The following FBXO10 variants were observed in gnomAD, a reference collection of about 807,000 sequenced individuals.
FBXO10 encodes F-box protein 10.
Under a neutral mutation model 80.7 loss-of-function variants are expected in FBXO10, and 39 were observed. That is an observed-to-expected ratio of 0.48 (90% CI 0.37 to 0.63). FBXO10 has a LOEUF of 0.63. Among genes scored for constraint, FBXO10 ranks in the 30% least tolerant of loss-of-function variants. FBXO10 has a pLI of 0.00. For synonymous variants in FBXO10, 449 were observed against 489.6 expected (o/e 0.92, Z 1.09); for missense variants, 1,025 against 1,269.0 (o/e 0.81, Z 2.92).
At chr9:37,519,110 C>T (rs761009284) in intron 8 of FBXO10, among the ~76,000 whole-genome samples, 4 of 151,996 alleles carry the variant, frequency 2.6e-5, no homozygotes, top group African/African-American at 4.8e-5. Flanking sequence ...ATGGTTTCAC[C>T]GTGTTAGCCA....
At chr9:37,567,791 AAGTGCTGGGATTCC>A (rs1822647113) in intron 1 of FBXO10, among the ~76,000 whole-genome samples, 1 of 152,096 alleles carries the variant, frequency 6.6e-6, no homozygotes, top group African/African-American at 2.4e-5. Flanking sequence ...CGGCCTCCCA[AAGTGCTGGGATTCC>A]AGGCATGAGC....
At chr9:37,553,894 C>T (rs1463036337) in intron 1 of FBXO10, among the ~76,000 whole-genome samples, 1 of 58,114 alleles carries the variant, frequency 1.7e-5, no homozygotes, top group Non-Finnish European at 3.1e-5. Flanking sequence ...CCAGCCCGGG[C>T]AAAAAGAGCG....
intron 1 of FBXO10, among the ~76,000 whole-genome samples, chr9:37,544,490 T>C (rs1263565492): frequency 6.6e-6 from 1 of 152,200 alleles, no homozygotes; most frequent in African/African-American, 2.4e-5. Context: ...TTGACCTCTC[T>C]AGAGCCTTGG....
Position 37,537,459 on chromosome 9 carries a change from C to G in FBXO10, c.1070G>C (p.Gly357Ala). 1 of 1,605,512 alleles carries G rather than the reference C, an allele frequency of 6.2e-7. No individual in the cohort carries two copies. Among genetic ancestry groups the G allele is most frequent in the Middle Eastern group, 1.7e-4 (1 of 6,046 alleles). The change falls in exon 3 of 11, where the codon GGC becomes GCC. Residue 357 changes from glycine (G) to alanine (A), a missense_variant. By Grantham distance (60) the Gly-to-Ala change is moderately conservative. This residue lies in a region of FBXO10 where 450 missense variants were observed against 499.4 expected (regional missense o/e 0.90). Coordinates refer to ENST00000432825, the MANE Select transcript of FBXO10 (RefSeq NM_012166.3). ...VAQTPDSSDG[G>A]LSPSGEDEDE... ...TTCATCCTCACCGCTGGGACTCAGGCCTCCATCGCTGCTGTCCGGGGTCTG... is the reference window on the plus strand; with the variant it reads ...TTCATCCTCACCGCTGGGACTCAGGGCTCCATCGCTGCTGTCCGGGGTCTG...
intron 2 of FBXO10, among the ~76,000 whole-genome samples, chr9:37,538,418 A>G (rs1821829894): frequency 6.6e-6 from 1 of 152,218 alleles, no homozygotes; most frequent in Admixed American, 6.5e-5. Flanking sequence ...GGTTAAAAGC[A>G]TGGGCTCTGC....
chr9:37,524,156 G>A (rs573517573), intron 6 of FBXO10, among the ~76,000 whole-genome samples: 6 of 152,230 alleles, frequency 3.9e-5, no homozygotes, highest in African/African-American at 1.4e-4. Context: ...GGCCCTACAC[G>A]GAAGGTTCTT....
chr9:37,528,930 G>A (rs1284993916), intron 5 of FBXO10, among the ~76,000 whole-genome samples, 194 bp downstream of exon 5: 2 of 152,198 alleles, frequency 1.3e-5, no homozygotes, highest in South Asian at 2.1e-4. Flanking sequence ...AGTGACTGCC[G>A]AATAGAACGC....
intron 1 of FBXO10, among the ~76,000 whole-genome samples, chr9:37,574,283 A>C (rs1383400764): frequency 6.6e-6 from 1 of 152,202 alleles, no homozygotes. Flanking sequence ...GAAGGAAAAA[A>C]GGAGGGAGGG....
At chr9:37,564,302 G>A (rs1822553198) in intron 1 of FBXO10, among the ~76,000 whole-genome samples, 1 of 152,256 alleles carries the variant, frequency 6.6e-6, no homozygotes. Context: ...TGCTGCAGGG[G>A]TGGAGCCCTC....
At chr9:37,570,697 AG>A (rs1309112793) in intron 1 of FBXO10, among the ~76,000 whole-genome samples, 21 of 152,198 alleles carry the variant, frequency 1.4e-4, no homozygotes, top group East Asian at 1.9e-4. Context: ...CCAAATGATA[AG>A]AAAATATTAT....
intron 1 of FBXO10, among the ~76,000 whole-genome samples, chr9:37,563,024 G>A (rs1329361071): frequency 6.6e-6 from 1 of 152,182 alleles, no homozygotes; most frequent in African/African-American, 2.4e-5. Flanking sequence ...TAATCCCCAT[G>A]TGTCAGGGGT....
chr9:37,533,135 A>G (rs1262214993), intron 3 of FBXO10, among the ~76,000 whole-genome samples: 1 of 145,800 alleles, frequency 6.9e-6, no homozygotes, highest in Non-Finnish European at 1.5e-5. Flanking sequence ...ATTTCCAATT[A>G]CATTTTCTTT....
rs529929030 is a variant in FBXO10, at chr9:37,561,543, A to G, written c.-7+14668T>C. 2.5e-3 allele frequency among the ~76,000 whole-genome samples: 379 copies of G among 152,318 alleles called. 4 individuals carry two copies. The highest frequency in any genetic ancestry group is 0.01 in the South Asian group (49 of 4,826). ...TGCTGCTGCCTCGCCCTGTGACTTCAGCACGTCCTTGAACCTTTCTGAACC... is the reference window on the plus strand; with the variant it reads ...TGCTGCTGCCTCGCCCTGTGACTTCGGCACGTCCTTGAACCTTTCTGAACC... On this transcript the variant is annotated intron_variant, in intron 1 of 10. Coordinates refer to ENST00000432825, the MANE Select transcript of FBXO10 (RefSeq NM_012166.3).
intron 3 of FBXO10, among the ~76,000 whole-genome samples, chr9:37,535,632 A>T (rs532720203): frequency 3.9e-5 from 6 of 152,260 alleles, no homozygotes; most frequent in Non-Finnish European, 5.9e-5. Flanking sequence ...TGCTAGGATT[A>T]CAGGCTTGAG....
chr9:37,538,615 T>C (rs1210188626), intron 2 of FBXO10, among the ~76,000 whole-genome samples: 1 of 147,736 alleles, frequency 6.8e-6, no homozygotes, highest in African/African-American at 2.5e-5. Context: ...GGCTGAGGAA[T>C]GAGAATAGCT....
chr9:37,540,905 G>A (rs1208823392), intron 2 of FBXO10, among the ~76,000 whole-genome samples: 2 of 152,212 alleles, frequency 1.3e-5, no homozygotes, highest in East Asian at 3.8e-4. Flanking sequence ...CTAGACTGGT[G>A]GCTCCAGTTG....
At chr9:37,542,070 C>T (rs972142065) in intron 1 of FBXO10, among the ~76,000 whole-genome samples, 3 of 151,970 alleles carry the variant, frequency 2.0e-5, no homozygotes, top group Non-Finnish European at 2.9e-5. Flanking sequence ...CTCAGGTGAT[C>T]TGCCCGGCTT....
intron 1 of FBXO10, among the ~76,000 whole-genome samples, chr9:37,557,027 A>G (rs556590761): frequency 3.3e-5 from 5 of 152,272 alleles, no homozygotes; most frequent in Middle Eastern, 3.4e-3. Flanking sequence ...CTCTATTACA[A>G]CTATTCAGGG....
intron 10 of FBXO10, chr9:37,515,129 G>A (rs886469393): frequency 6.6e-6 from 1 of 152,380 alleles, no homozygotes. Flanking sequence ...GTGCAGGAGT[G>A]ATACCAACTA....
Sources: allele counts gnomAD v4.1 joint callset (sites outside exome capture counted in the v4.1 genomes callset), GRCh38; gene constraint gnomAD v4.1.1; regional missense constraint gnomAD v4.1.1; transcripts MANE v1.5; gene names NCBI Gene and HGNC (gene_info 2026-07-23, HGNC 2026-07-21).